SUGP2: variants seen among roughly 807,000 people sequenced by gnomAD.
SUGP2 encodes SURP and G-patch domain containing 2, also known as SURP and G-patch domain-containing protein 2.
SUGP2 carries 24 observed loss-of-function variants against 90.5 expected under a neutral mutation model. The observed-to-expected ratio is 0.27, with a 90% CI of 0.19 to 0.37. The LOEUF (loss-of-function observed/expected upper bound fraction) is 0.37. SUGP2 is among the 10% of genes least tolerant of loss of function. SUGP2 has a pLI of 1.00. For synonymous variants in SUGP2, 473 were observed against 513.4 expected (o/e 0.92, Z 1.06); for missense variants, 1,233 against 1,363.3 (o/e 0.90, Z 1.51).
chr19:19,019,119 G>C lies in SUGP2; in HGVS notation c.1840C>G (p.Pro614Ala). ...CATTTAAAGACCTACCAGTAAGCAG[G>C]GTCCTCTTTGAGAAGAGTTCTCTCT... Reference protein sequence around the residue: ...PKERTLLKEDPAYWFLSDENS... With the variant: ...PKERTLLKEDAAYWFLSDENS... Residue 614 changes from proline to alanine, a missense_variant, in exon 4 of 11, where the codon CCT becomes GCT. Around this residue, in one of 8 missense-constraint regions of SUGP2, gnomAD observed 540 missense variants for 542.6 expected, o/e 1.00. Coordinates refer to ENST00000452918, the MANE Select transcript of SUGP2 (RefSeq NM_001017392.5). 6.2e-7 allele frequency: 1 copy of C among 1,613,824 alleles called. No individual in the cohort carries two copies.
chr19:19,033,500 G>C lies in SUGP2; in HGVS notation c.-75C>G. 7.1e-7 allele frequency: 1 copy of C among 1,405,540 alleles called. No individual in the cohort carries two copies. Among genetic ancestry groups the C allele is most frequent in the African/African-American group, 1.5e-5 (1 of 65,798 alleles). The allele number at this position is 1,405,540 out of a possible 1,614,324, so 87.1% of individuals were successfully genotyped here. ...CTCAGGCTCCTCACCCGCCGCCGCC[G>C]CCGCGCGAGGCGGGGACATGCAAAT... On this transcript the variant is annotated 5_prime_UTR_variant, in exon 1 of 11. Coordinates refer to ENST00000452918, the MANE Select transcript of SUGP2 (RefSeq NM_001017392.5).
At position 19,033,488 on chromosome 19, in the gene SUGP2, CCCGCCG is replaced by C; in HGVS notation, c.-69_-64del. 10 of 1,402,490 alleles carry C rather than the reference CCCGCCG, an allele frequency of 7.1e-6. No homozygotes were observed. The highest frequency in any genetic ancestry group is 2.6e-4 in the Middle Eastern group (1 of 3,854). The allele number at this position is 1,402,490 out of a possible 1,614,324, so 86.9% of individuals were successfully genotyped here. On this transcript the variant is annotated 5_prime_UTR_variant, in exon 1 of 11. Coordinates refer to ENST00000452918, the MANE Select transcript of SUGP2 (RefSeq NM_001017392.5). ...CCCCGCCGCCGCCTCAGGCTCCTCA[CCCGCCG>C]CCGCCGCCGCGCGAGGCGGGGACAT...
intron 3 of SUGP2, among the ~76,000 whole-genome samples, chr19:19,021,069 G>C (rs1284492075): frequency 7.2e-6 from 1 of 137,952 alleles, no homozygotes; most frequent in Non-Finnish European, 1.5e-5. Flanking sequence ...TGAGGCAGGA[G>C]AATCGCTTGA....
chr19:19,027,081 A>C (rs894580041), intron 2 of SUGP2, among the ~76,000 whole-genome samples: 9 of 152,092 alleles, frequency 5.9e-5, no homozygotes, highest in Admixed American at 2.0e-4. Flanking sequence ...GGAGTTTGAG[A>C]CCAGCCTGGG....
intron 3 of SUGP2, among the ~76,000 whole-genome samples, chr19:19,022,096 T>C (rs1394761867): frequency 6.6e-6 from 1 of 152,162 alleles, no homozygotes; most frequent in Non-Finnish European, 1.5e-5. Context: ...GCGATTATCC[T>C]GCCTCAGCCT....
At chr19:19,028,869 T>C (rs1192468129) in intron 2 of SUGP2, among the ~76,000 whole-genome samples, 2 of 152,112 alleles carry the variant, frequency 1.3e-5, no homozygotes, top group Admixed American at 6.5e-5. Flanking sequence ...GTATTTTTAG[T>C]AGACACGGGG....
Position 19,024,821 on chromosome 19 carries a change from G to A in SUGP2, c.1527C>T (p.Pro509=). The change falls in exon 3 of 11, where the codon CCC becomes CCT. Residue 509 remains proline (P), a synonymous_variant. Coordinates refer to ENST00000452918, the MANE Select transcript of SUGP2 (RefSeq NM_001017392.5). ...CGAAGTTTGGAAACGCAGCAGGTGA[G>A]GGAGCTATATCTTGCAGGCCGACAG... is the stretch of plus-strand genomic sequence containing the variant. ...LEAVGLQDIA[P]SPAAFPNFED... 1 of 1,614,212 alleles carries A rather than the reference G, an allele frequency of 6.2e-7. No individual in the cohort carries two copies. The highest frequency in any genetic ancestry group is 8.5e-7 in the Non-Finnish European group (1 of 1,180,046).
At chr19:19,022,725 G>T (rs1022347996) in intron 3 of SUGP2, among the ~76,000 whole-genome samples, 1 of 152,030 alleles carries the variant, frequency 6.6e-6, no homozygotes, top group African/African-American at 2.4e-5. Flanking sequence ...TGGGGAGTAG[G>T]GTCCCTTAAG....
At chr19:19,011,262 C>G (rs1297959346) in intron 4 of SUGP2, among the ~76,000 whole-genome samples, 1 of 151,906 alleles carries the variant, frequency 6.6e-6, no homozygotes, top group Non-Finnish European at 1.5e-5. Flanking sequence ...ATCCTCCCAC[C>G]TCAGCCTCCC....
At position 19,011,225 on chromosome 19, in the gene SUGP2, G is replaced by A. The variant is rs530542598; in HGVS notation, c.1851-883C>T. The stretch of plus-strand genomic sequence containing the variant: ...CTTCATGAGTTGATTACAGCTCACC[G>A]CAGCCTCGACCTTCTGGGTTCAGGT... On this transcript the variant is annotated intron_variant, in intron 4 of 10. Coordinates refer to ENST00000452918, the MANE Select transcript of SUGP2 (RefSeq NM_001017392.5). Among the ~76,000 whole-genome samples, 17 of 150,608 alleles carry A rather than the reference G, an allele frequency of 1.1e-4. No individual in the cohort carries two copies. The South Asian group carries it at 1.5e-3, about 13-fold the overall frequency.
intron 9 of SUGP2, 21 bp downstream of exon 9, chr19:18,995,123 C>G (rs2057522944): frequency 1.2e-6 from 2 of 1,608,886 alleles, no homozygotes; most frequent in Non-Finnish European, 1.7e-6. Context: ...CCACTCCCAC[C>G]CCAGGCTGCC....
chr19:18,994,765 G>A, intron 9 of SUGP2: 2 of 535,002 alleles, frequency 3.7e-6, no homozygotes, highest in South Asian at 4.5e-5. Context: ...CCTGCTGGAG[G>A]TTATGATCGG....
At position 19,019,196 on chromosome 19, in the gene SUGP2, C is replaced by A. The variant is rs202186263; in HGVS notation, c.1763G>T (p.Gly588Val). The A allele has an allele frequency of 3.5e-5, 56 of 1,614,058 alleles. No homozygotes were observed. Among genetic ancestry groups the A allele is most frequent in the Non-Finnish European group, 4.7e-5 (56 of 1,179,954 alleles). Reference sequence around the variant, plus strand: ...ACGTTTCACAAGCTGGTCGATGGTGCCCACTACCCTGTGATCTGCTCGCTG... The same window carrying A: ...ACGTTTCACAAGCTGGTCGATGGTGACCACTACCCTGTGATCTGCTCGCTG... ...VPQRADHRVV[G>V]TIDQLVKRVI... Residue 588 changes from glycine to valine, a missense_variant, in exon 4 of 11, where the codon GGC becomes GTC. Around this residue, in one of 8 missense-constraint regions of SUGP2, gnomAD observed 540 missense variants for 542.6 expected, o/e 1.00. Transcript: ENST00000452918.
At chr19:19,011,957 A>G (rs1223120785) in intron 4 of SUGP2, among the ~76,000 whole-genome samples, 2 of 152,248 alleles carry the variant, frequency 1.3e-5, no homozygotes, top group African/African-American at 4.8e-5. Flanking sequence ...GGTGGCTTTC[A>G]GATTGTTTGA....
intron 4 of SUGP2, among the ~76,000 whole-genome samples, chr19:19,012,184 T>C (rs1431468231): frequency 1.3e-5 from 2 of 152,244 alleles, no homozygotes; most frequent in African/African-American, 4.8e-5. Context: ...GCTCCACTGC[T>C]GCCCTGGCAC....
intron 3 of SUGP2, among the ~76,000 whole-genome samples, chr19:19,020,437 A>C (rs1224667280): frequency 6.7e-6 from 1 of 149,434 alleles, no homozygotes; most frequent in Non-Finnish European, 1.5e-5. Flanking sequence ...GTCTCAAAAA[A>C]AAAAAAAGGC....
chr19:19,004,333 C>CG lies in SUGP2; in HGVS notation c.2763dup (p.Asp922ArgfsTer58). On this transcript the variant is annotated frameshift_variant, in exon 7 of 11. Transcript: ENST00000452918. LOFTEE classifies it high-confidence loss of function. ...TCGGCAGCCTCGCCGGGAAGGCCGTCGGCAGGGGTGCTGCCCTCAGACTTG... is the reference window on the plus strand; with the variant it reads ...TCGGCAGCCTCGCCGGGAAGGCCGTCGGGCAGGGGTGCTGCCCTCAGACTTG... 1.9e-6 allele frequency: 3 copies of CG among 1,613,370 alleles called. No homozygotes were observed. Among genetic ancestry groups the CG allele is most frequent in the Non-Finnish European group, 2.5e-6 (3 of 1,179,572 alleles).
rs150419872 is a variant in SUGP2 at position 19,016,402 on chromosome 19, G to A, written c.1850+2707C>T. On this transcript the variant is annotated intron_variant, in intron 4 of 10. Transcript: ENST00000452918. Reference sequence around the variant, plus strand: ...GCTGCCCCTGGTTATCAGTGGTCATGAGACCACTGGGCCATGTGCAGGGGT... The same window carrying A: ...GCTGCCCCTGGTTATCAGTGGTCATAAGACCACTGGGCCATGTGCAGGGGT... 5.5e-3 allele frequency among the ~76,000 whole-genome samples: 830 copies of A among 152,196 alleles called. 8 individuals are homozygous for A. Among genetic ancestry groups the A allele is most frequent in the Middle Eastern group, 0.014 (4 of 294 alleles).
At position 18,994,447 on chromosome 19, in the gene SUGP2, C is replaced by T; in HGVS notation, c.3168G>A (p.Gly1056=). The change falls in exon 10 of 11, where the codon GGG becomes GGA. Residue 1056 remains glycine, a synonymous_variant. Coordinates refer to ENST00000452918, the MANE Select transcript of SUGP2 (RefSeq NM_001017392.5). ...CGAATGTGTCTTCTTTGTGCTCCTG[C>T]CCGTCAGCACCCAACCCTTCCCCTT... ...PSEGEGLGAD[G]QEHKEDTFDV... The T allele has an allele frequency of 1.2e-6, 2 of 1,614,202 alleles. No homozygotes were observed. Among genetic ancestry groups the T allele is most frequent in the Non-Finnish European group, 1.7e-6 (2 of 1,180,026 alleles).
Sources: allele counts gnomAD v4.1 joint callset (sites outside exome capture counted in the v4.1 genomes callset), GRCh38; gene constraint gnomAD v4.1.1; regional missense constraint gnomAD v4.1.1; transcripts MANE v1.5; gene names NCBI Gene and HGNC (gene_info 2026-07-23, HGNC 2026-07-21).